Variants in C9orf153 observed in about 807,000 individuals in gnomAD.
The protein encoded by C9orf153 is uncharacterized protein C9orf153.
A neutral mutation model predicts 9.0 loss-of-function variants in C9orf153; 10 were observed. That is an observed-to-expected ratio of 1.11 (90% CI 0.69 to 1.89). The LOEUF is 1.89. Among genes scored for constraint, C9orf153 ranks in the 40% most tolerant of loss-of-function variants. The pLI, the probability that C9orf153 is intolerant of heterozygous loss-of-function variation, is 0.00. For synonymous variants in C9orf153, 35 were observed against 37.3 expected (o/e 0.94, Z 0.23); for missense variants, 108 against 111.0 (o/e 0.97, Z 0.12).
intron 3 of C9orf153, chr9:86,227,647 C>T (rs1489202533): frequency 1.0e-6 from 1 of 985,204 alleles, no homozygotes; most frequent in Non-Finnish European, 1.2e-6. Flanking sequence ...GGCTTGGAAC[C>T]TTCTGTACGG....
chr9:86,229,742 G>T (rs1034439222), intron 1 of C9orf153, 113 bp from the exon 2 acceptor site: 43 of 619,742 alleles, frequency 6.9e-5, no homozygotes, highest in Non-Finnish European at 2.0e-5. Flanking sequence ...GGGACATTTT[G>T]AAAATTTTAT....
At chr9:86,242,165 A>T (rs1824758881) in intron 1 of C9orf153, among the ~76,000 whole-genome samples, 1 of 152,122 alleles carries the variant, frequency 6.6e-6, no homozygotes, top group Non-Finnish European at 1.5e-5. Context: ...CCTGAGAAAA[A>T]CAGGAAGAAT....
chr9:86,247,898 G>A (rs751989728), intron 1 of C9orf153, among the ~76,000 whole-genome samples: 7 of 152,018 alleles, frequency 4.6e-5, no homozygotes, highest in Non-Finnish European at 1.0e-4. Context: ...GTCCTCTGAC[G>A]GTCTGGGGAT....
chr9:86,230,725 G>A (rs1368817073), intron 1 of C9orf153, among the ~76,000 whole-genome samples: 1 of 152,162 alleles, frequency 6.6e-6, no homozygotes, highest in Non-Finnish European at 1.5e-5. Flanking sequence ...CATATGTAAT[G>A]ATAATAATAA....
intron 1 of C9orf153, among the ~76,000 whole-genome samples, chr9:86,250,407 C>T (rs753487152): frequency 2.6e-5 from 4 of 152,100 alleles, no homozygotes; most frequent in Non-Finnish European, 5.9e-5. Context: ...GGAAAGGTCA[C>T]AGAGGCCTTG....
intron 2 of C9orf153, among the ~76,000 whole-genome samples, chr9:86,228,650 C>T (rs1176364342): frequency 6.6e-6 from 1 of 152,212 alleles, no homozygotes; most frequent in Non-Finnish European, 1.5e-5. Context: ...AAATCCTATA[C>T]TTCCTACAAA....
At chr9:86,232,626 C>G (rs552139481) in intron 1 of C9orf153, among the ~76,000 whole-genome samples, 1 of 152,082 alleles carries the variant, frequency 6.6e-6, no homozygotes, top group Non-Finnish European at 1.5e-5. Context: ...CAACTTTTCA[C>G]CCTTCCCTCC....
chr9:86,233,417 T>G (rs1403364649), intron 1 of C9orf153, among the ~76,000 whole-genome samples: 3 of 152,106 alleles, frequency 2.0e-5, no homozygotes, highest in African/African-American at 7.2e-5. Flanking sequence ...CAGTCCTCAC[T>G]TTTCTTTTTT....
chr9:86,222,967 A>G (rs766242393), intron 3 of C9orf153, among the ~76,000 whole-genome samples: 1 of 152,170 alleles, frequency 6.6e-6, no homozygotes, highest in Non-Finnish European at 1.5e-5. Context: ...AAGTCTTTAT[A>G]TAGACTTTGT....
intron 1 of C9orf153, among the ~76,000 whole-genome samples, chr9:86,257,339 G>T (rs982166043): frequency 3.9e-5 from 6 of 152,164 alleles, no homozygotes; most frequent in African/African-American, 1.4e-4. Flanking sequence ...GACTCCTTGG[G>T]GAGGAGATGG....
At chr9:86,258,384 G>C (rs1379900123) in intron 1 of C9orf153, 3 of 151,180 alleles carry the variant, frequency 2.0e-5, no homozygotes, top group South Asian at 2.1e-4. Flanking sequence ...TTGTCATAGA[G>C]GATGAAACTC....
chr9:86,224,936 G>C (rs556418543), intron 3 of C9orf153, among the ~76,000 whole-genome samples: 34 of 86,410 alleles, frequency 3.9e-4, no homozygotes, highest in African/African-American at 1.7e-3. Flanking sequence ...GCGAGACTCC[G>C]TCTCAAAAAA....
At chr9:86,253,916 C>G (rs1348754596) in intron 1 of C9orf153, among the ~76,000 whole-genome samples, 1 of 151,914 alleles carries the variant, frequency 6.6e-6, no homozygotes, top group Non-Finnish European at 1.5e-5. Context: ...ATGATGAAAC[C>G]CTGTCTGTAC....
intron 1 of C9orf153, among the ~76,000 whole-genome samples, chr9:86,233,550 G>A (rs905249908): frequency 6.6e-6 from 1 of 152,028 alleles, no homozygotes; most frequent in African/African-American, 2.4e-5. Flanking sequence ...CTGAGTAGCT[G>A]GGATTACAGG....
At chr9:86,253,980 A>G (rs868475152) in intron 1 of C9orf153, among the ~76,000 whole-genome samples, 10 of 151,418 alleles carry the variant, frequency 6.6e-5, no homozygotes, top group Non-Finnish European at 1.2e-4. Flanking sequence ...AGTCCCAGCT[A>G]CTCGGGAGGC....
chr9:86,239,231 A>G (rs554537630), intron 1 of C9orf153, among the ~76,000 whole-genome samples: 3 of 151,716 alleles, frequency 2.0e-5, no homozygotes, highest in Non-Finnish European at 4.4e-5. Flanking sequence ...ACTGCACTCC[A>G]GCCTGGCGAC....
chr9:86,224,475 G>C (rs1474122922), intron 3 of C9orf153, among the ~76,000 whole-genome samples: 1 of 152,104 alleles, frequency 6.6e-6, no homozygotes, highest in Non-Finnish European at 1.5e-5. Context: ...ACAGTAAGGT[G>C]AGGATAGTTA....
At chr9:86,227,488 T>C (rs1397967517) in intron 3 of C9orf153, 1 of 1,386,020 alleles carries the variant, frequency 7.2e-7, no homozygotes, top group Non-Finnish European at 9.4e-7. Flanking sequence ...CTCTAGTAAA[T>C]TTGCAATGAG....
intron 1 of C9orf153, among the ~76,000 whole-genome samples, chr9:86,233,779 T>C (rs1217423703): frequency 2.6e-5 from 4 of 152,194 alleles, no homozygotes; most frequent in Non-Finnish European, 2.9e-5. Flanking sequence ...GACACTTTTC[T>C]ATCATTTAAA....
Sources: gnomAD v4.1 joint callset for allele counts (sites outside exome capture counted in the v4.1 genomes callset) on GRCh38, gnomAD v4.1.1 for gene constraint, MANE v1.5 for transcripts, NCBI Gene and HGNC (gene_info 2026-07-23, HGNC 2026-07-21) for gene names.